EYS: variants seen among roughly 807,000 people sequenced by gnomAD.
EYS encodes the protein EGF-like photoreceptor maintenance factor, also known as protein eyes shut homolog.
A neutral mutation model predicts 282.1 loss-of-function variants in EYS; 250 were observed. The ratio of observed to expected loss-of-function variants is 0.89; its 90% CI spans 0.80 to 0.98. EYS has a LOEUF of 0.98. EYS is among the 50% of genes least tolerant of loss of function. The pLI, the probability that EYS is intolerant of heterozygous loss-of-function variation, is 0.00. For synonymous variants in EYS, 1,355 were observed against 1,282.9 expected (o/e 1.06, Z -1.20); for missense variants, 4,016 against 3,709.0 (o/e 1.08, Z -2.15).
rs558552987 is a variant in EYS, at chr6:65,331,558, A to C, written c.1766+3422T>G. ...ATGAGACAATATCAAGAACTCATTAAAGTGTTGATAAATTACAAAAATTTT... is the reference window on the plus strand; with the variant it reads ...ATGAGACAATATCAAGAACTCATTACAGTGTTGATAAATTACAAAAATTTT... On this transcript the variant is annotated intron_variant, in intron 11 of 42. Coordinates refer to ENST00000503581, the MANE Select transcript of EYS (RefSeq NM_001142800.2). The C allele has an allele frequency of 1.2e-5, 12 of 967,886 alleles. No individual in the cohort carries two copies. In the African/African-American group the frequency reaches 2.1e-4, roughly 17 times the overall value. The allele number at this position is 967,886 out of a possible 1,614,324, so 60.0% of individuals were successfully genotyped here.
intron 12 of EYS, among the ~76,000 whole-genome samples, chr6:65,216,410 T>C (rs375078195): frequency 1.3e-5 from 2 of 152,074 alleles, no homozygotes; most frequent in East Asian, 3.9e-4. Context: ...TTATAATCCA[T>C]GCTATAAAAT....
intron 19 of EYS, among the ~76,000 whole-genome samples, chr6:64,886,289 A>G (rs1767084263): frequency 6.6e-6 from 1 of 150,948 alleles, no homozygotes; most frequent in Non-Finnish European, 1.5e-5. Context: ...CTTTTGCTTT[A>G]CATTTAAATT....
intron 12 of EYS, among the ~76,000 whole-genome samples, chr6:65,091,452 G>GAAATAAATAAATAAATAAAT (rs59923804): frequency 1.7e-4 from 25 of 144,228 alleles, no homozygotes; most frequent in South Asian, 2.2e-4. Context: ...TACATCTCAA[G>GAAATAAATAAATAAATAAAT]AAATAAATAA....
At chr6:64,334,104 C>T (rs1770749351) in intron 29 of EYS, among the ~76,000 whole-genome samples, 1 of 152,172 alleles carries the variant, frequency 6.6e-6, no homozygotes, top group Non-Finnish European at 1.5e-5. Context: ...AATCCAAGAA[C>T]ATAACACAAT....
intron 35 of EYS, among the ~76,000 whole-genome samples, chr6:63,893,891 T>C (rs1773468800): frequency 6.6e-6 from 1 of 152,168 alleles, no homozygotes; most frequent in Non-Finnish European, 1.5e-5. Flanking sequence ...ACTTCTCCTG[T>C]CCACTAAGAA....
intron 12 of EYS, among the ~76,000 whole-genome samples, chr6:65,076,619 A>G (rs1266075973): frequency 2.6e-5 from 4 of 151,970 alleles, no homozygotes; most frequent in African/African-American, 7.2e-5. Context: ...CAAAATTTAT[A>G]GAAATTATCC....
rs1224919575 is a variant in EYS, at chr6:63,823,628, GA to G, written c.7229-17257del. On this transcript the variant is annotated intron_variant, in intron 36 of 42. Coordinates refer to ENST00000503581, the MANE Select transcript of EYS (RefSeq NM_001142800.2). ...CTTTTTACTCTAATCATACCTTGAAGAACTTATTTTCTTTAGCTTTAATAAT... is the reference window on the plus strand; with the variant it reads ...CTTTTTACTCTAATCATACCTTGAAGACTTATTTTCTTTAGCTTTAATAAT... Among the ~76,000 whole-genome samples the G allele has an allele frequency of 3.9e-5, 6 of 152,110 alleles. No individual in the cohort carries two copies. In the South Asian group the frequency reaches 1.0e-3, roughly 26 times the overall value.
chr6:64,617,576 T>C (rs1273326601), intron 23 of EYS, 43 bp from the exon 24 acceptor site: 5 of 1,096,504 alleles, frequency 4.6e-6, no homozygotes, highest in East Asian at 5.1e-5. Flanking sequence ...TTTTTAATGA[T>C]AATAAAAACA....
chr6:65,474,231 A>T (rs1465831481), intron 5 of EYS, among the ~76,000 whole-genome samples: 1 of 152,104 alleles, frequency 6.6e-6, no homozygotes, highest in African/African-American at 2.4e-5. Flanking sequence ...TGCAACTGTT[A>T]GCTTAGAGAA....
intron 2 of EYS, among the ~76,000 whole-genome samples, chr6:65,588,387 C>T (rs1765125561): frequency 6.6e-6 from 1 of 151,856 alleles, no homozygotes; most frequent in African/African-American, 2.4e-5. Flanking sequence ...CAGATGTGGG[C>T]CTGTCATGTG....
intron 5 of EYS, among the ~76,000 whole-genome samples, chr6:65,458,900 A>G (rs2150407935): frequency 6.6e-6 from 1 of 152,216 alleles, no homozygotes; most frequent in African/African-American, 2.4e-5. Flanking sequence ...TAAGCCTAAT[A>G]GCATATATAT....
chr6:64,590,384 T>C lies in EYS; in HGVS notation c.5483A>G (p.Lys1828Arg). ...PYFTDYMTSL[K>R]KEVKTSSEWS... ...TTCTGAAGAAGTCTTGACCTCTTTT[T>C]TAAGAGAGGTCATATAATCTGTAAA... The change falls in exon 26 of 43, where the codon AAA becomes AGA. Residue 1828 changes from lysine (K) to arginine (R), a missense_variant. By Grantham distance (26) the Lys-to-Arg change is conservative. Transcript: ENST00000503581. 6.4e-7 allele frequency: 1 copy of C among 1,551,314 alleles called. No homozygotes were observed. Among genetic ancestry groups the C allele is most frequent in the African/African-American group, 1.4e-5 (1 of 73,138 alleles).
In EYS at chr6:65,619,905, C is replaced by G. The variant is rs1766401122; in HGVS notation, c.-333+19873G>C. Among the ~76,000 whole-genome samples the G allele has an allele frequency of 2.0e-5, 3 of 150,712 alleles. No homozygotes were observed. In the South Asian group the frequency reaches 6.3e-4, roughly 32 times the overall value. ...AGCCTTGCATCCCAGGGATGAAGCC[C>G]ACTTGATCATGGTGGATAAGCTTTT... is the stretch of plus-strand genomic sequence containing the variant. On this transcript the variant is annotated intron_variant, in intron 2 of 42. Transcript: ENST00000503581.
chr6:64,788,043 A>G (rs922332691), intron 22 of EYS, among the ~76,000 whole-genome samples: 3 of 151,778 alleles, frequency 2.0e-5, no homozygotes, highest in Admixed American at 6.6e-5. Context: ...ATTGCTTACA[A>G]TTTCTCCCTC....
intron 22 of EYS, among the ~76,000 whole-genome samples, chr6:64,756,555 C>A (rs987114361): frequency 6.6e-6 from 1 of 152,124 alleles, no homozygotes; most frequent in Non-Finnish European, 1.5e-5. Flanking sequence ...ATAATCACAT[C>A]TATAAGTTTT....
At chr6:64,457,549 C>T (rs1025608539) in intron 26 of EYS, among the ~76,000 whole-genome samples, 1 of 152,004 alleles carries the variant, frequency 6.6e-6, no homozygotes, top group Non-Finnish European at 1.5e-5. Context: ...TCCTCTGATG[C>T]TTGCTGCATA....
At chr6:65,396,700 GTAGCA>G (rs1341936526) in intron 7 of EYS, among the ~76,000 whole-genome samples, 1 of 152,006 alleles carries the variant, frequency 6.6e-6, no homozygotes, top group Non-Finnish European at 1.5e-5. Context: ...AGGAGATGCT[GTAGCA>G]TATCAGTAAT....
At chr6:65,668,427 G>C (rs962171566) in intron 1 of EYS, among the ~76,000 whole-genome samples, 3 of 151,884 alleles carry the variant, frequency 2.0e-5, no homozygotes, top group African/African-American at 7.2e-5. Flanking sequence ...CTGGCCAGCT[G>C]TTTTTGTAAA....
chr6:64,126,820 C>G lies in EYS; in HGVS notation c.6425-44818G>C, dbSNP rs187239244. Among the ~76,000 whole-genome samples the G allele has an allele frequency of 1.6e-4, 25 of 151,570 alleles. 1 individual carries two copies. Among genetic ancestry groups the G allele is most frequent in the African/African-American group, 6.0e-4 (25 of 41,422 alleles). ...ACATATATTTAAAAATATATATACA[C>G]ATATATTTAAATACATATATACACA... On this transcript the variant is annotated intron_variant, in intron 31 of 42. Coordinates refer to ENST00000503581, the MANE Select transcript of EYS (RefSeq NM_001142800.2).
Sources: allele counts gnomAD v4.1 joint callset (sites outside exome capture counted in the v4.1 genomes callset), GRCh38; gene constraint gnomAD v4.1.1; transcripts MANE v1.5; gene names NCBI Gene and HGNC (gene_info 2026-07-23, HGNC 2026-07-21).